NF1: variants seen among roughly 807,000 people sequenced by gnomAD.
The protein encoded by NF1 is neurofibromin 1.
Under a neutral mutation model 325.7 loss-of-function variants are expected in NF1, and 122 were observed. The observed-to-expected ratio is 0.37, with a 90% CI of 0.32 to 0.44. NF1 has a LOEUF of 0.44. Ranked by LOEUF, NF1 falls within the 20% of genes least tolerant of loss-of-function variation. NF1 has a pLI of 1.00. For missense variants in NF1, 2,140 were observed against 3,415.4 expected (o/e 0.63, Z 9.31); for synonymous variants, 1,091 against 1,186.0 (o/e 0.92, Z 1.65).
chr17:31,150,508 A>G (rs1916857043), intron 1 of NF1, among the ~76,000 whole-genome samples: 1 of 152,096 alleles, frequency 6.6e-6, no homozygotes, highest in Non-Finnish European at 1.5e-5. Context: ...ACTCTGAGCA[A>G]TATTGAAATG....
intron 36 of NF1, among the ~76,000 whole-genome samples, chr17:31,275,908 G>A (rs1019228598): frequency 1.3e-5 from 2 of 151,954 alleles, no homozygotes; most frequent in African/African-American, 4.8e-5. Context: ...ATAAAGAATA[G>A]GACACAGGGC....
intron 31 of NF1, 59 bp downstream of exon 31, chr17:31,253,059 C>G (rs2067522482): frequency 1.4e-6 from 2 of 1,393,460 alleles, no homozygotes; most frequent in African/African-American, 2.8e-5. Context: ...AAATCTTTTG[C>G]TGTTTGTTAA....
At chr17:31,266,292 G>A (rs184069818) in intron 36 of NF1, among the ~76,000 whole-genome samples, 96 of 152,360 alleles carry the variant, frequency 6.3e-4, no homozygotes, top group Admixed American at 1.1e-3. Flanking sequence ...AAATAGTAGA[G>A]AGACGGTGAA....
At chr17:31,157,976 G>A (rs2065695706) in intron 2 of NF1, among the ~76,000 whole-genome samples, 1 of 151,506 alleles carries the variant, frequency 6.6e-6, no homozygotes, top group Non-Finnish European at 1.5e-5. Flanking sequence ...AAAAAAAAAA[G>A]TTAACTATAT....
chr17:31,157,851 A>G (rs2065693172), intron 2 of NF1, among the ~76,000 whole-genome samples: 1 of 150,822 alleles, frequency 6.6e-6, no homozygotes, highest in African/African-American at 2.4e-5. Flanking sequence ...CTGTAGTCCC[A>G]GCTACTCAGG....
At chr17:31,262,009 A>C in intron 35 of NF1, 152 bp downstream of exon 35, 2 of 664,494 alleles carry the variant, frequency 3.0e-6, no homozygotes, top group Admixed American at 5.7e-5. Context: ...ACTATATATT[A>C]TTTATATATA....
At chr17:31,232,472 T>C (rs1172855900) in intron 25 of NF1, among the ~76,000 whole-genome samples, 1 of 152,184 alleles carries the variant, frequency 6.6e-6, no homozygotes, top group Non-Finnish European at 1.5e-5. Context: ...ATATTGCATC[T>C]ATTTGATGCT....
chr17:31,109,662 G>A (rs1913235310), intron 1 of NF1, among the ~76,000 whole-genome samples: 1 of 152,126 alleles, frequency 6.6e-6, no homozygotes, highest in African/African-American at 2.4e-5. Flanking sequence ...AGGATTACAG[G>A]CGTGAGCCAC....
chr17:31,288,007 AC>A (rs1253688137), intron 36 of NF1, among the ~76,000 whole-genome samples: 3 of 151,702 alleles, frequency 2.0e-5, no homozygotes, highest in Non-Finnish European at 4.4e-5. Flanking sequence ...GGTGCAGCAC[AC>A]CAGCATGGCA....
chr17:31,245,992 G>A (rs1378260986), intron 29 of NF1, among the ~76,000 whole-genome samples: 2 of 152,106 alleles, frequency 1.3e-5, no homozygotes, highest in South Asian at 2.1e-4. Flanking sequence ...TCATATAAAA[G>A]ACACTCAGCA....
intron 19 of NF1, 110 bp from the exon 20 acceptor site, chr17:31,227,413 A>G: frequency 1.4e-6 from 2 of 1,388,676 alleles, no homozygotes; most frequent in Non-Finnish European, 2.0e-6. Flanking sequence ...GCATATTACA[A>G]GTATAATATC....
intron 1 of NF1, among the ~76,000 whole-genome samples, chr17:31,142,328 A>G (rs1028413498): frequency 2.6e-5 from 4 of 152,154 alleles, no homozygotes; most frequent in Non-Finnish European, 4.4e-5. Context: ...TTTTTCCTCA[A>G]TTGTGTGAAA....
At position 31,313,722 on chromosome 17, in the gene NF1, ATG is replaced by A. The variant is rs60267436; in HGVS notation, c.4836-12063_4836-12062del. The stretch of plus-strand genomic sequence containing the variant: ...CTCTATCTCAAAAAAAAAAAAAAAT[ATG>A]TGTGTGTGTGTGTGTGTGTGTGTGT... On this transcript the variant is annotated intron_variant, in intron 36 of 57. Transcript: ENST00000358273. Among the ~76,000 whole-genome samples the A allele has an allele frequency of 8.9e-3, 1,241 of 138,954 alleles. 14 individuals carry two copies. The highest frequency in any genetic ancestry group is 0.026 in the African/African-American group (951 of 36,300). The allele number at this position is 138,954 out of a possible 152,430, so 91.2% of individuals were successfully genotyped here.
chr17:31,104,749 C>G (rs934501449), intron 1 of NF1, among the ~76,000 whole-genome samples: 1 of 152,134 alleles, frequency 6.6e-6, no homozygotes, highest in African/African-American at 2.4e-5. Context: ...ACAGAGTACT[C>G]TCAGGTGTTT....
In NF1 at chr17:31,374,489, T is replaced by C. The variant is rs2070703901; in HGVS notation, c.*334T>C. On this transcript the variant is annotated 3_prime_UTR_variant, in exon 58 of 58. Transcript: ENST00000358273. ...ATGAATTCTTGAATACTGCTACTAC[T>C]GGCCAGTGATGAAAGCCATTTGCAC... 2.2e-6 allele frequency: 1 copy of C among 446,438 alleles called. No individual in the cohort carries two copies. The highest frequency in any genetic ancestry group is 4.2e-6 in the Non-Finnish European group (1 of 240,436). The allele number at this position is 446,438 out of a possible 1,614,324, so 27.7% of individuals were successfully genotyped here.
intron 29 of NF1, among the ~76,000 whole-genome samples, chr17:31,245,485 G>C (rs946210852): frequency 2.6e-5 from 4 of 152,208 alleles, no homozygotes; most frequent in African/African-American, 9.6e-5. Flanking sequence ...TACCACTTCA[G>C]ATGCCAATTA....
At chr17:31,318,783 C>T in intron 36 of NF1, 1 of 1,613,938 alleles carries the variant, frequency 6.2e-7, no homozygotes, top group Non-Finnish European at 8.5e-7. Flanking sequence ...ATGTTTCAGG[C>T]ATGTTTGTAG....
At chr17:31,287,938 G>A (rs1215917342) in intron 36 of NF1, among the ~76,000 whole-genome samples, 2 of 123,446 alleles carry the variant, frequency 1.6e-5, no homozygotes, top group African/African-American at 6.0e-5. Context: ...TTGTGGGGTG[G>A]GGGGAGGGGG....
chr17:31,214,514 A>G lies in NF1; in HGVS notation c.1456A>G (p.Thr486Ala). 6.2e-7 allele frequency: 1 copy of G among 1,611,296 alleles called. No homozygotes were observed. Among genetic ancestry groups the G allele is most frequent in the Non-Finnish European group, 8.5e-7 (1 of 1,177,878 alleles). ...KFKEKPTDLETRSYKYLLLSM... is the reference protein window; with the variant it reads ...KFKEKPTDLEARSYKYLLLSM... The stretch of plus-strand genomic sequence containing the variant: ...TAAAGAAAAACCTACAGACCTGGAG[A>G]CAAGAAGCTATAAGTATCTTCTCTT... Residue 486 changes from threonine (T) to alanine (A), a missense_variant, in exon 13 of 58, where the codon ACA becomes GCA. By Grantham distance (58) the Thr-to-Ala change is moderately conservative. This residue lies in a region of NF1 where 179 missense variants were observed against 381.0 expected (regional missense o/e 0.47). Transcript: ENST00000358273.
Sources: gnomAD v4.1 joint callset for allele counts (sites outside exome capture counted in the v4.1 genomes callset) on GRCh38, gnomAD v4.1.1 for gene constraint, gnomAD v4.1.1 regional missense constraint, MANE v1.5 for transcripts, NCBI Gene and HGNC (gene_info 2026-07-23, HGNC 2026-07-21) for gene names.